The following TMA16 variants were observed in gnomAD, a reference collection of about 807,000 sequenced individuals.
The protein encoded by TMA16 is translation machinery associated 16 homolog.
A neutral mutation model predicts 27.1 loss-of-function variants in TMA16; 26 were observed. The observed-to-expected ratio is 0.96, with a 90% confidence interval of 0.70 to 1.33. TMA16 has a LOEUF of 1.33. Among genes scored for constraint, TMA16 ranks in the 40% most tolerant of loss-of-function variants. The probability of loss-of-function intolerance (pLI) is 0.00; values close to 1 mark genes in which losing one functional copy is unlikely to be tolerated. For synonymous variants in TMA16, 71 were observed against 81.9 expected, an observed-to-expected ratio of 0.87 and a Z score of 0.72; for missense variants, 233 against 241.4, an observed-to-expected ratio of 0.97 and a Z score of 0.23.
At chr4:163,507,703 CT>C (rs1017937135) in intron 2 of TMA16, among the ~76,000 whole-genome samples, 3 of 152,060 alleles carry the variant, frequency 2.0e-5, no homozygotes, top group Non-Finnish European at 4.4e-5. Context: ...GAGCCAATTA[CT>C]GAGTTCAGTG....
At chr4:163,510,272 G>T (rs752994744) in intron 2 of TMA16, among the ~76,000 whole-genome samples, 8 of 152,174 alleles carry the variant, frequency 5.3e-5, no homozygotes, top group Non-Finnish European at 7.4e-5. Flanking sequence ...CACATTTTAA[G>T]TGTAGTTTTT....
chr4:163,495,080 T>C lies in TMA16; in HGVS notation c.3+276T>C, dbSNP rs533094986. Among the ~76,000 whole-genome samples the C allele has an allele frequency of 2.6e-4, 30 of 115,294 alleles. No individual in the cohort carries two copies. In the East Asian group the frequency reaches 2.9e-3, roughly 11 times the overall value. The allele number at this position is 115,294 out of a possible 152,430, so 75.6% of individuals were successfully genotyped here. ...TGCCTAACTTCTCGCTAGTCACTAC[T>C]TCCTGGGGGAAACCCGGCACCTTTC... On this transcript the variant is annotated intron_variant, in intron 1 of 6. Transcript: ENST00000358572.
At chr4:163,502,030 A>G (rs1214566576) in intron 1 of TMA16, among the ~76,000 whole-genome samples, 3 of 152,162 alleles carry the variant, frequency 2.0e-5, no homozygotes, top group Non-Finnish European at 4.4e-5. Context: ...ATCCTAGTAC[A>G]TGGTATATTT....
chr4:163,512,522 A>C (rs1737813428), intron 2 of TMA16: 1 of 246,302 alleles, frequency 4.1e-6, no homozygotes, highest in African/African-American at 2.2e-5. Flanking sequence ...TGCATATTAC[A>C]GAACCCATCT....
chr4:163,514,874 T>C (rs976684415), intron 4 of TMA16, among the ~76,000 whole-genome samples: 4 of 152,106 alleles, frequency 2.6e-5, no homozygotes, highest in Non-Finnish European at 5.9e-5. Flanking sequence ...GTCTCAGTGT[T>C]CAGTGAAAAC....
chr4:163,513,618 C>T (rs1171638563), intron 3 of TMA16, among the ~76,000 whole-genome samples: 2 of 152,136 alleles, frequency 1.3e-5, no homozygotes, highest in Non-Finnish European at 2.9e-5. Flanking sequence ...TAACATCTCT[C>T]ATCTACAAAT....
chr4:163,507,140 G>A lies in TMA16; in HGVS notation c.111G>A (p.Lys37=). ...ITREAHKQEK[K]EKLKNEKALR... Reference sequence around the variant, plus strand: ...GAGAGGCCCACAAACAAGAAAAAAAGGAAAAGTAAGTATCTTTTCATCATT... The same window carrying A: ...GAGAGGCCCACAAACAAGAAAAAAAAGAAAAGTAAGTATCTTTTCATCATT... The change falls in exon 2 of 7, where the codon AAG becomes AAA. Residue 37 remains lysine, a synonymous_variant. Coordinates refer to ENST00000358572, the MANE Select transcript of TMA16 (RefSeq NM_018352.3). 6.4e-7 allele frequency: 1 copy of A among 1,568,958 alleles called. No homozygotes were observed. The highest frequency in any genetic ancestry group is 8.7e-7 in the Non-Finnish European group (1 of 1,155,494).
chr4:163,498,689 G>A (rs1236453831), intron 1 of TMA16, among the ~76,000 whole-genome samples: 1 of 151,996 alleles, frequency 6.6e-6, no homozygotes, highest in African/African-American at 2.4e-5. Context: ...TTTAGAGATG[G>A]AGTCTCACTC....
intron 2 of TMA16, among the ~76,000 whole-genome samples, chr4:163,510,757 A>G (rs1737781231): frequency 6.6e-6 from 1 of 152,202 alleles, no homozygotes; most frequent in African/African-American, 2.4e-5. Flanking sequence ...GGAAAACATC[A>G]ATGCTGGTTC....
chr4:163,502,719 G>A (rs185133298), intron 1 of TMA16, among the ~76,000 whole-genome samples: 1 of 152,088 alleles, frequency 6.6e-6, no homozygotes, highest in Non-Finnish European at 1.5e-5. Flanking sequence ...TCATTGACAC[G>A]TGTCATTGCA....
intron 1 of TMA16, among the ~76,000 whole-genome samples, chr4:163,503,262 G>A (rs1185124635): frequency 6.6e-6 from 1 of 152,068 alleles, no homozygotes; most frequent in African/African-American, 2.4e-5. Flanking sequence ...GTATTATGAT[G>A]TTTACAGTAT....
intron 1 of TMA16, among the ~76,000 whole-genome samples, chr4:163,501,648 C>T (rs1737652788): frequency 6.6e-6 from 1 of 152,154 alleles, no homozygotes; most frequent in South Asian, 2.1e-4. Flanking sequence ...TACAGTGATG[C>T]AAGTGTTTGT....
At chr4:163,499,239 T>C (rs1297971388) in intron 1 of TMA16, among the ~76,000 whole-genome samples, 1 of 152,210 alleles carries the variant, frequency 6.6e-6, no homozygotes, top group Non-Finnish European at 1.5e-5. Context: ...GATAATTAAC[T>C]CTTTTGTTTG....
chr4:163,502,647 G>A (rs1416783667), intron 1 of TMA16, among the ~76,000 whole-genome samples: 1 of 152,134 alleles, frequency 6.6e-6, no homozygotes, highest in African/African-American at 2.4e-5. Context: ...ATTGGGTGGG[G>A]TTTAGAAAGG....
intron 5 of TMA16, chr4:163,515,699 A>G (rs751138723): frequency 4.9e-5 from 19 of 388,912 alleles, no homozygotes; most frequent in Non-Finnish European, 8.4e-5. Context: ...CGTGATAGTA[A>G]TACTGATTAC....
intron 6 of TMA16, 140 bp downstream of exon 6, chr4:163,517,616 A>C: frequency 1.4e-6 from 1 of 698,896 alleles, no homozygotes; most frequent in Non-Finnish European, 2.3e-6. Flanking sequence ...CTGACCAAGT[A>C]AGAATTTTCT....
At chr4:163,498,529 T>C (rs913465465) in intron 1 of TMA16, among the ~76,000 whole-genome samples, 32 of 152,152 alleles carry the variant, frequency 2.1e-4, no homozygotes, top group African/African-American at 7.2e-4. Flanking sequence ...CCTCATGATC[T>C]GCCCGCCTCG....
At chr4:163,517,129 C>G (rs1737892543) in intron 5 of TMA16, 2 of 307,162 alleles carry the variant, frequency 6.5e-6, no homozygotes, top group Admixed American at 5.4e-5. Context: ...GTCTTGATCT[C>G]CTGACCTCCT....
chr4:163,494,794 A>G lies in TMA16; in HGVS notation c.-8A>G, dbSNP rs751012296. ...GCGGAGCTGCTCCGTGGCCACGAGGACGTCACCATGGTGGGCCCCCTCCTG... is the reference window on the plus strand; with the variant it reads ...GCGGAGCTGCTCCGTGGCCACGAGGGCGTCACCATGGTGGGCCCCCTCCTG... On this transcript the variant is annotated 5_prime_UTR_variant, in exon 1 of 7. Transcript: ENST00000358572. The G allele has an allele frequency of 6.2e-7, 1 of 1,612,640 alleles. No individual in the cohort carries two copies. Among genetic ancestry groups the G allele is most frequent in the Non-Finnish European group, 8.5e-7 (1 of 1,180,018 alleles).
Sources: allele counts gnomAD v4.1 joint callset (sites outside exome capture counted in the v4.1 genomes callset), GRCh38; gene constraint gnomAD v4.1.1; transcripts MANE v1.5; gene names NCBI Gene and HGNC (gene_info 2026-07-23, HGNC 2026-07-21).